The following SMARCA4 variants were observed in gnomAD, a reference collection of about 807,000 sequenced individuals.
SMARCA4 encodes the protein SWI/SNF-related matrix-associated actin-dependent regulator of chromatin subfamily A member 4.
A neutral mutation model predicts 193.9 loss-of-function variants in SMARCA4; 31 were observed. The ratio of observed to expected loss-of-function variants is 0.16; its 90% CI spans 0.12 to 0.22. The LOEUF (loss-of-function observed/expected upper bound fraction) is 0.22, where lower values mean the gene tolerates loss of function less well. Among genes scored for constraint, SMARCA4 ranks in the 10% least tolerant of loss-of-function variants. SMARCA4 has a pLI of 1.00. For synonymous variants in SMARCA4, 942 were observed against 933.1 expected (o/e 1.01, Z -0.17); for missense variants, 1,148 against 2,296.0 (o/e 0.50, Z 10.22).
At chr19:10,982,698 G>T (rs559765327) in intron 1 of SMARCA4, among the ~76,000 whole-genome samples, 67 of 151,948 alleles carry the variant, frequency 4.4e-4, no homozygotes, top group Middle Eastern at 6.8e-3. Flanking sequence ...TAGAGACAGG[G>T]TTTCACCATG....
rs1250456731 is a variant in SMARCA4, at chr19:10,996,641, A to C, written c.1812+97A>C. The C allele has an allele frequency of 3.4e-6, 4 of 1,164,556 alleles. No homozygotes were observed. The African/African-American group carries it at 6.0e-5, about 18-fold the overall frequency. The allele number at this position is 1,164,556 out of a possible 1,614,324, so 72.1% of individuals were successfully genotyped here. ...CCTGTGTTCTTTTAAAATTACGAAC[A>C]ATGATATGTGATGATGGTGAGAATC... is the stretch of plus-strand genomic sequence containing the variant. On this transcript the variant is annotated intron_variant, in intron 11 of 34. Coordinates refer to ENST00000344626, the MANE Select transcript of SMARCA4 (RefSeq NM_003072.5).
chr19:10,982,168 C>T (rs1015811513), intron 1 of SMARCA4, among the ~76,000 whole-genome samples: 4 of 151,482 alleles, frequency 2.6e-5, no homozygotes, highest in South Asian at 2.1e-4. Flanking sequence ...GGTGAAACCC[C>T]GTCTCTACTA....
intron 1 of SMARCA4, among the ~76,000 whole-genome samples, chr19:10,966,436 T>TA (rs2084225539): frequency 1.4e-5 from 2 of 142,740 alleles, no homozygotes; most frequent in Admixed American, 7.0e-5. Context: ...ACAGAAAAGT[T>TA]AAAAAATTAG....
intron 1 of SMARCA4, among the ~76,000 whole-genome samples, chr19:10,979,702 T>C (rs1219759973): frequency 6.7e-6 from 1 of 149,972 alleles, no homozygotes; most frequent in Non-Finnish European, 1.5e-5. Flanking sequence ...TTATATGTTA[T>C]AAGTATATAT....
rs2090227765 is a variant in SMARCA4, at chr19:11,025,995, G to A, written c.3169-305G>A. On this transcript the variant is annotated intron_variant, in intron 22 of 34. Coordinates refer to ENST00000344626, the MANE Select transcript of SMARCA4 (RefSeq NM_003072.5). ...TTGGAGACCGCCTGCTGCCCCGAGA[G>A]CCCCTGGGGCTGTCTCAGCACCCTG... Among the ~76,000 whole-genome samples, 5 of 152,350 alleles carry A rather than the reference G, an allele frequency of 3.3e-5. 1 individual carries two copies. The South Asian group carries it at 1.0e-3, about 32-fold the overall frequency.
chr19:11,045,315 G>A (rs976357644), intron 30 of SMARCA4, among the ~76,000 whole-genome samples: 3 of 150,438 alleles, frequency 2.0e-5, no homozygotes, highest in African/African-American at 4.8e-5. Flanking sequence ...GCGGGACTCC[G>A]TCTAAAAAAA....
At chr19:10,974,456 T>C (rs74817013) in intron 1 of SMARCA4, among the ~76,000 whole-genome samples, 1 of 145,762 alleles carries the variant, frequency 6.9e-6, no homozygotes, top group Non-Finnish European at 1.5e-5. Flanking sequence ...GATTTAGGCT[T>C]TTTTTTTTTT....
At chr19:11,038,801 G>C (rs996732621) in intron 29 of SMARCA4, among the ~76,000 whole-genome samples, 1 of 152,200 alleles carries the variant, frequency 6.6e-6, no homozygotes, top group Non-Finnish European at 1.5e-5. Flanking sequence ...TAGTACCATT[G>C]AAAATTAATA....
intron 18 of SMARCA4, 118 bp from the exon 19 acceptor site, chr19:11,021,607 C>T: frequency 7.6e-7 from 1 of 1,313,682 alleles, no homozygotes; most frequent in Non-Finnish European, 1.1e-6. Context: ...TGCTCTCCAC[C>T]CAGCTGCGCT....
chr19:11,003,402 G>T lies in SMARCA4; in HGVS notation c.2001+5G>T, dbSNP rs780996751. The T allele has an allele frequency of 3.7e-6, 6 of 1,613,242 alleles. No homozygotes were observed. The South Asian group carries it at 6.6e-5, about 18-fold the overall frequency. On this transcript the variant is annotated splice_donor_5th_base_variant and intron_variant, in intron 13 of 34. Coordinates refer to ENST00000344626, the MANE Select transcript of SMARCA4 (RefSeq NM_003072.5). ...GGCTCAGAAGAAGAGGAAGAGGTAAGAGTGCATTTCCTGGCTTTCAAGGCT... is the reference window on the plus strand; with the variant it reads ...GGCTCAGAAGAAGAGGAAGAGGTAATAGTGCATTTCCTGGCTTTCAAGGCT...
intron 24 of SMARCA4, among the ~76,000 whole-genome samples, chr19:11,028,563 C>T (rs570872820): frequency 1.3e-5 from 2 of 152,296 alleles, no homozygotes; most frequent in East Asian, 1.9e-4. Flanking sequence ...GTGGTGAGCA[C>T]GGAGGGAGGG....
chr19:11,035,136 C>T lies in SMARCA4; in HGVS notation c.4170+4C>T, dbSNP rs1600407451. 2 of 1,610,106 alleles carry T rather than the reference C, an allele frequency of 1.2e-6. No homozygotes were observed. Among genetic ancestry groups the T allele is most frequent in the Non-Finnish European group, 1.7e-6 (2 of 1,178,662 alleles). ...GACGGAGAAGCAGTGGCTCAAGGTA[C>T]ATGCTGGAGAGGCCCAGCAGCTGCC... On this transcript the variant is annotated splice_donor_region_variant and intron_variant, in intron 29 of 34. Coordinates refer to ENST00000344626, the MANE Select transcript of SMARCA4 (RefSeq NM_003072.5).
rs1353556468 is a variant in SMARCA4 at position 11,058,669 on chromosome 19, C to T, written c.4534-119C>T. ...AGCCAGGTTACCGAGGCTGGCGCTT[C>T]GGCCACATCCTCATAGGCACGAGGA... On this transcript the variant is annotated intron_variant, in intron 31 of 34. Coordinates refer to ENST00000344626, the MANE Select transcript of SMARCA4 (RefSeq NM_003072.5). The surrounding 1 kb of genome is among the most constrained non-coding windows in gnomAD (Gnocchi z 5.8). The T allele has an allele frequency of 1.4e-5, 12 of 855,832 alleles. No individual in the cohort carries two copies. Among genetic ancestry groups the T allele is most frequent in the Middle Eastern group, 2.3e-4 (1 of 4,408 alleles). The allele number at this position is 855,832 out of a possible 1,614,324, so 53.0% of individuals were successfully genotyped here.
In SMARCA4 at chr19:10,967,350, G is replaced by A. The variant is rs112179578; in HGVS notation, c.-32+6176G>A. Among the ~76,000 whole-genome samples the A allele has an allele frequency of 1.8e-3, 276 of 151,580 alleles. 1 individual carries two copies. The highest frequency in any genetic ancestry group is 6.8e-3 in the Middle Eastern group (2 of 294). The stretch of plus-strand genomic sequence containing the variant: ...AATGGAGTCTTGCTCTCTCTCTGTC[G>A]CCCAGGCTGGAGTGCAGTGGCACGA... On this transcript the variant is annotated intron_variant, in intron 1 of 34. Transcript: ENST00000344626.
intron 14 of SMARCA4, 191 bp downstream of exon 14, chr19:11,008,214 C>G (rs372358425): frequency 1.7e-6 from 1 of 596,736 alleles, no homozygotes; most frequent in Non-Finnish European, 3.1e-6. Flanking sequence ...AGAGCAATTG[C>G]ATTCGCATGG....
chr19:11,035,484 A>G (rs1439694411), intron 29 of SMARCA4, among the ~76,000 whole-genome samples: 2 of 152,252 alleles, frequency 1.3e-5, no homozygotes, highest in East Asian at 3.8e-4. Flanking sequence ...GGAGGGAGGC[A>G]CAAGGGTGAA....
rs1267513562 is a variant in SMARCA4, at chr19:11,041,490, T to A, written c.4354T>A (p.Ser1452Thr). The A allele has an allele frequency of 6.2e-7, 1 of 1,613,712 alleles. No individual in the cohort carries two copies. Residue 1452 changes from serine (S) to threonine (T), a missense_variant, in exon 30 of 35, where the codon TCC becomes ACC. By Grantham distance (58) the Ser-to-Thr change is moderately conservative (BLOSUM62 1). This residue lies in a region of SMARCA4 where 141 missense variants were observed against 193.0 expected (regional missense o/e 0.73). Coordinates refer to ENST00000344626, the MANE Select transcript of SMARCA4 (RefSeq NM_003072.5). The surrounding 1 kb of genome is among the most constrained non-coding windows in gnomAD (Gnocchi z 5.6). ...CGGGCGGCCGCCTGCCGAGAAACTC[T>A]CCCCTAACCCACCCAACCTCACCAA... is the stretch of plus-strand genomic sequence containing the variant. ...KRGRPPAEKLSPNPPNLTKKM... is the reference protein window; with the variant it reads ...KRGRPPAEKLTPNPPNLTKKM...
At chr19:11,045,802 G>A (rs1168967412) in intron 30 of SMARCA4, among the ~76,000 whole-genome samples, 4 of 152,100 alleles carry the variant, frequency 2.6e-5, no homozygotes, top group Non-Finnish European at 2.9e-5. Flanking sequence ...TAAAACTTTC[G>A]GCTGGGCACA....
intron 11 of SMARCA4, among the ~76,000 whole-genome samples, chr19:10,997,474 A>G (rs1422576609): frequency 1.3e-5 from 2 of 152,068 alleles, no homozygotes; most frequent in Non-Finnish European, 2.9e-5. Context: ...TACAGGCTTG[A>G]TCCACCATGG....
Sources: gnomAD v4.1 joint callset for allele counts (sites outside exome capture counted in the v4.1 genomes callset) on GRCh38, gnomAD v4.1.1 for gene constraint, gnomAD v4.1.1 regional missense constraint, Gnocchi (gnomAD v3.1) non-coding constraint, MANE v1.5 for transcripts, NCBI Gene and HGNC (gene_info 2026-07-23, HGNC 2026-07-21) for gene names.